SGMS1: variants seen among roughly 807,000 people sequenced by gnomAD.
SGMS1 encodes the protein phosphatidylcholine:ceramide cholinephosphotransferase 1.
In SGMS1, 13 loss-of-function variants were observed where a neutral mutation model predicts 46.2. That is an observed-to-expected ratio of 0.28 (90% CI 0.18 to 0.45). The LOEUF is 0.45. Among genes scored for constraint, SGMS1 ranks in the 20% least tolerant of loss-of-function variants. The probability of loss-of-function intolerance (pLI) is 1.00; values close to 1 mark genes in which losing one functional copy is unlikely to be tolerated. For missense variants in SGMS1, 324 were observed against 519.9 expected, an observed-to-expected ratio of 0.62 and a Z score of 3.66; for synonymous variants, 203 against 187.8, an observed-to-expected ratio of 1.08 and a Z score of -0.66.
chr10:50,578,313 A>G (rs1233818155), intron 2 of SGMS1, among the ~76,000 whole-genome samples: 1 of 152,224 alleles, frequency 6.6e-6, no homozygotes, highest in African/African-American at 2.4e-5. Context: ...GTGGGTGGTC[A>G]AGGACAAATG....
At chr10:50,507,834 A>C (rs1837720657) in intron 3 of SGMS1, among the ~76,000 whole-genome samples, 1 of 152,196 alleles carries the variant, frequency 6.6e-6, no homozygotes, top group Admixed American at 6.5e-5. Flanking sequence ...TGCTATCCTC[A>C]GGGGCCTCAG....
At chr10:50,419,329 A>G (rs1251105223) in intron 6 of SGMS1, among the ~76,000 whole-genome samples, 1 of 152,220 alleles carries the variant, frequency 6.6e-6, no homozygotes, top group African/African-American at 2.4e-5. Context: ...TAATTTTCAA[A>G]AATTCTTTCC....
At chr10:50,588,881 C>G (rs1316223542) in intron 2 of SGMS1, among the ~76,000 whole-genome samples, 1 of 152,100 alleles carries the variant, frequency 6.6e-6, no homozygotes, top group Admixed American at 6.6e-5. Flanking sequence ...TGGCACATGT[C>G]ACTACCGCTC....
chr10:50,344,579 C>G (rs11005278), intron 6 of SGMS1, among the ~76,000 whole-genome samples: 24,019 of 152,174 alleles, frequency 0.16, 2,275 homozygotes, highest in Admixed American at 0.22. Flanking sequence ...TATAGAATTT[C>G]CAACGGTCAG....
rs553699866 is a variant in SGMS1 at position 50,531,245 on chromosome 10, G to A, written c.-588-11324C>T. ...TGCTATCACCCATGTGTGCTCATGG[G>A]TTTCATATTTTAAATGGAACATACA... On this transcript the variant is annotated intron_variant, in intron 2 of 10. Coordinates refer to ENST00000361781, the MANE Select transcript of SGMS1 (RefSeq NM_147156.4). 4.7e-3 allele frequency among the ~76,000 whole-genome samples: 709 copies of A among 152,254 alleles called. 4 individuals carry two copies. Among genetic ancestry groups the A allele is most frequent in the Non-Finnish European group, 6.7e-3 (458 of 68,004 alleles).
At chr10:50,589,845 A>G (rs144850099) in intron 2 of SGMS1, among the ~76,000 whole-genome samples, 2 of 152,346 alleles carry the variant, frequency 1.3e-5, no homozygotes, top group East Asian at 3.9e-4. Flanking sequence ...ACTTCAGTAC[A>G]AAACTATAAA....
upstream of SGMS1, chr10:50,624,511 G>T: frequency 1.2e-6 from 1 of 850,936 alleles, no homozygotes; most frequent in Non-Finnish European, 1.4e-6. Flanking sequence ...AAAGCCTCTG[G>T]CGACGCCTGG....
At chr10:50,621,928 A>G (rs1444391465) in intron 1 of SGMS1, among the ~76,000 whole-genome samples, 2 of 152,164 alleles carry the variant, frequency 1.3e-5, no homozygotes, top group Non-Finnish European at 2.9e-5. Context: ...AACATGCTAT[A>G]TATTGCTGTA....
chr10:50,320,144 A>T lies in SGMS1; in HGVS notation c.741+7061T>A, dbSNP rs570815596. On this transcript the variant is annotated intron_variant, in intron 8 of 10. Transcript: ENST00000361781. ...ATACCAGATGGCTTCTGCCATGTGG[A>T]TCATCTTTCTCACCTTCCCAATGCC... Among the ~76,000 whole-genome samples the T allele has an allele frequency of 1.1e-4, 16 of 152,228 alleles. No homozygotes were observed. In the South Asian group the frequency reaches 3.3e-3, roughly 32 times the overall value.
chr10:50,578,934 A>C (rs1238576671), intron 2 of SGMS1, among the ~76,000 whole-genome samples: 1 of 152,252 alleles, frequency 6.6e-6, no homozygotes, highest in Non-Finnish European at 1.5e-5. Context: ...TCCAGTTTGT[A>C]AAGCCCCATT....
At chr10:50,440,479 T>C (rs1849530434) in intron 5 of SGMS1, among the ~76,000 whole-genome samples, 1 of 152,172 alleles carries the variant, frequency 6.6e-6, no homozygotes, top group Admixed American at 6.5e-5. Context: ...GAACATTATT[T>C]AACCCCTCCA....
Position 50,343,735 on chromosome 10 carries a change from T to G in SGMS1, c.380A>C (p.Gln127Pro). 1.2e-6 allele frequency: 2 copies of G among 1,614,172 alleles called. No individual in the cohort carries two copies. Among genetic ancestry groups the G allele is most frequent in the Non-Finnish European group, 1.7e-6 (2 of 1,180,032 alleles). ...KIPMPELERS[Q>P]YPMEWGKTFL... ...AGTCTTGCCCCACTCCATGGGGTAC[T>G]GAGAGCGCTCCAGTTCTGGCATGGG... Residue 127 changes from glutamine to proline, a missense_variant, in exon 7 of 11, where the codon CAG becomes CCG. Gln to Pro is a moderately conservative substitution (Grantham distance 76). Transcript: ENST00000361781.
chr10:50,609,344 G>T (rs188156707), intron 1 of SGMS1, among the ~76,000 whole-genome samples: 187 of 152,070 alleles, frequency 1.2e-3, no homozygotes, highest in African/African-American at 4.3e-3. Flanking sequence ...TGAATCTGTG[G>T]TTGCAGAACC....
At chr10:50,552,067 T>A (rs1013034533) in intron 2 of SGMS1, among the ~76,000 whole-genome samples, 2 of 152,174 alleles carry the variant, frequency 1.3e-5, no homozygotes, top group Non-Finnish European at 2.9e-5. Context: ...CCAATAAAAC[T>A]TTATTTATAA....
chr10:50,575,306 C>T (rs150761475), intron 2 of SGMS1, among the ~76,000 whole-genome samples: 87 of 152,208 alleles, frequency 5.7e-4, no homozygotes, highest in East Asian at 5.2e-3. Context: ...ACAATTCCAA[C>T]GCTTTATAAG....
intron 6 of SGMS1, among the ~76,000 whole-genome samples, chr10:50,381,646 G>T (rs1406523908): frequency 6.6e-6 from 1 of 152,156 alleles, no homozygotes; most frequent in Non-Finnish European, 1.5e-5. Context: ...AAAATGGTAA[G>T]TTTTTGTGTA....
At chr10:50,467,125 C>T (rs1294755731) in intron 3 of SGMS1, among the ~76,000 whole-genome samples, 193 bp from the exon 4 acceptor site, 5 of 151,830 alleles carry the variant, frequency 3.3e-5, no homozygotes, top group South Asian at 2.1e-4. Flanking sequence ...TATTAGACAA[C>T]GCCAAGCAGA....
chr10:50,432,319 C>A (rs1238760859), intron 6 of SGMS1, among the ~76,000 whole-genome samples: 1 of 152,148 alleles, frequency 6.6e-6, no homozygotes, highest in Non-Finnish European at 1.5e-5. Flanking sequence ...AATCTCATCA[C>A]TTCCTATTAT....
chr10:50,599,530 G>A (rs1356433756), intron 1 of SGMS1, among the ~76,000 whole-genome samples: 1 of 152,016 alleles, frequency 6.6e-6, no homozygotes, highest in Non-Finnish European at 1.5e-5. Context: ...TAGGAGAGAA[G>A]AAACCATTGC....
Sources: gnomAD v4.1 joint callset for allele counts (sites outside exome capture counted in the v4.1 genomes callset) on GRCh38, gnomAD v4.1.1 for gene constraint, MANE v1.5 for transcripts, NCBI Gene and HGNC (gene_info 2026-07-23, HGNC 2026-07-21) for gene names.